C1QTNF3: variants seen among roughly 807,000 people sequenced by gnomAD.
C1QTNF3 encodes C1q and TNF related 3.
Under a neutral mutation model 32.6 loss-of-function variants are expected in C1QTNF3, and 26 were observed. The ratio of observed to expected loss-of-function variants is 0.80; its 90% confidence interval spans 0.58 to 1.11. The LOEUF is 1.11. Ranked by LOEUF, C1QTNF3 falls within the 50% of genes least tolerant of loss-of-function variation. The pLI, the probability that C1QTNF3 is intolerant of heterozygous loss-of-function variation, is 0.00. For synonymous variants in C1QTNF3, 155 were observed against 146.0 expected, an observed-to-expected ratio of 1.06 and a Z score of -0.44; for missense variants, 362 against 398.2, an observed-to-expected ratio of 0.91 and a Z score of 0.77.
chr5:34,100,965 A>G, the C1QTNF3 span, among the ~76,000 whole-genome samples: 2 of 152,080 alleles, frequency 1.3e-5, no homozygotes, highest in East Asian at 1.9e-4. Context: ...CTGGTGCTGC[A>G]TATTTGTTTC....
chr5:34,127,042 C>T, the C1QTNF3 span, among the ~76,000 whole-genome samples: 55 of 152,154 alleles, frequency 3.6e-4, no homozygotes, highest in Non-Finnish European at 5.3e-4. Flanking sequence ...CTTTGCCTTC[C>T]GCCATGATTG....
chr5:34,217,047 C>G, the C1QTNF3 span, among the ~76,000 whole-genome samples: 1 of 152,136 alleles, frequency 6.6e-6, no homozygotes, highest in Non-Finnish European at 1.5e-5. Context: ...TTCATCTATA[C>G]ATACAATATT....
chr5:34,033,206 G>T, intron 3 of C1QTNF3, 98 bp downstream of exon 3: 1 of 1,304,976 alleles, frequency 7.7e-7, no homozygotes, highest in Non-Finnish European at 1.1e-6. Flanking sequence ...ACTCAGGATT[G>T]GGGAAGACTT....
chr5:34,145,889 A>G, the C1QTNF3 span, among the ~76,000 whole-genome samples: 1 of 152,162 alleles, frequency 6.6e-6, no homozygotes, highest in Non-Finnish European at 1.5e-5. Context: ...CATAAACAGA[A>G]TTAGACAGTA....
the C1QTNF3 span, among the ~76,000 whole-genome samples, chr5:34,139,959 C>A: frequency 6.6e-6 from 1 of 152,066 alleles, no homozygotes; most frequent in African/African-American, 2.4e-5. Flanking sequence ...TCTAGTAGAA[C>A]AAAATGTCAA....
chr5:34,113,048 C>T, the C1QTNF3 span, among the ~76,000 whole-genome samples: 2 of 150,144 alleles, frequency 1.3e-5, no homozygotes, highest in Non-Finnish European at 3.0e-5. Flanking sequence ...TGCTTTCTTC[C>T]CCTAGACTTC....
the C1QTNF3 span, among the ~76,000 whole-genome samples, chr5:34,129,570 AC>A: frequency 6.6e-6 from 1 of 152,152 alleles, no homozygotes; most frequent in Non-Finnish European, 1.5e-5. Context: ...ATAACTCTAT[AC>A]CCTATAAATG....
At chr5:34,035,550 T>C in intron 2 of C1QTNF3, 97 bp downstream of exon 2, 1 of 892,270 alleles carries the variant, frequency 1.1e-6, no homozygotes, top group East Asian at 2.6e-5. Context: ...ATCCTTTGGA[T>C]CACACAGAAG....
At chr5:34,231,676 T>G in the C1QTNF3 span, among the ~76,000 whole-genome samples, 1 of 152,200 alleles carries the variant, frequency 6.6e-6, no homozygotes, top group East Asian at 1.9e-4. Flanking sequence ...CCTGTGGTTG[T>G]GCAGACGGGA....
the C1QTNF3 span, among the ~76,000 whole-genome samples, chr5:34,241,190 G>A: frequency 6.6e-6 from 1 of 151,976 alleles, no homozygotes; most frequent in African/African-American, 2.4e-5. Context: ...ATACTCAATG[G>A]GCAAAAGCTG....
the C1QTNF3 span, among the ~76,000 whole-genome samples, chr5:34,223,627 G>C: frequency 6.6e-6 from 1 of 151,918 alleles, no homozygotes; most frequent in African/African-American, 2.4e-5. Flanking sequence ...CTAGTTTACA[G>C]TCCCACCAAC....
chr5:34,042,846 GGGCTA>G lies in C1QTNF3; in HGVS notation c.275_279del (p.Leu92ProfsTer21). The stretch of plus-strand genomic sequence containing the variant: ...ACCTGGCCCCAGAATGTGGTGATCT[GGGCTA>G]GGTCATCTACCTCGGGGTGCGGTAG... On this transcript the variant is annotated frameshift_variant, in exon 1 of 6. Transcript: ENST00000382065. LOFTEE classifies it high-confidence loss of function. The G allele has an allele frequency of 6.2e-7, 1 of 1,614,080 alleles. No homozygotes were observed.
chr5:34,022,980 C>T (rs1479427277), intron 5 of C1QTNF3, among the ~76,000 whole-genome samples: 7 of 152,136 alleles, frequency 4.6e-5, no homozygotes, highest in African/African-American at 1.2e-4. Context: ...CTCAGCCTCC[C>T]GAGTAGCTGG....
At chr5:34,079,055 T>C in the C1QTNF3 span, among the ~76,000 whole-genome samples, 1 of 151,604 alleles carries the variant, frequency 6.6e-6, no homozygotes. Flanking sequence ...CTTCCAAAAC[T>C]TCCTCAGCCT....
At chr5:34,115,002 A>T in the C1QTNF3 span, among the ~76,000 whole-genome samples, 1 of 152,202 alleles carries the variant, frequency 6.6e-6, no homozygotes, top group African/African-American at 2.4e-5. Context: ...AAATTTATTC[A>T]ATAATGTTCT....
At chr5:34,236,363 C>A in the C1QTNF3 span, among the ~76,000 whole-genome samples, 1 of 148,784 alleles carries the variant, frequency 6.7e-6, no homozygotes, top group East Asian at 2.0e-4. Flanking sequence ...TGCACTCCAG[C>A]CTGGGCAACA....
the C1QTNF3 span, among the ~76,000 whole-genome samples, chr5:34,070,946 G>A: frequency 6.6e-6 from 1 of 152,032 alleles, no homozygotes; most frequent in Non-Finnish European, 1.5e-5. Context: ...TCAAAGTCAT[G>A]GGCTGTTAAC....
At chr5:34,167,197 C>CT in the C1QTNF3 span, 2 of 152,102 alleles carry the variant, frequency 1.3e-5, no homozygotes, top group African/African-American at 4.8e-5. Flanking sequence ...TAGTCCCAGT[C>CT]TCTGCTCATA....
chr5:34,101,445 C>T, the C1QTNF3 span, among the ~76,000 whole-genome samples: 161 of 151,796 alleles, frequency 1.1e-3, no homozygotes, highest in Middle Eastern at 0.01. Flanking sequence ...AAGTGCTTGG[C>T]GCATTTCTTG....
Sources: gnomAD v4.1 joint callset for allele counts (sites outside exome capture counted in the v4.1 genomes callset) on GRCh38, gnomAD v4.1.1 for gene constraint, MANE v1.5 for transcripts, NCBI Gene and HGNC (gene_info 2026-07-23, HGNC 2026-07-21) for gene names.